The following ZNF37A variants were observed in gnomAD, a reference collection of about 807,000 sequenced individuals.
ZNF37A encodes the protein zinc finger protein 37a (KOX 21).
Under a neutral mutation model 12.3 loss-of-function variants are expected in ZNF37A, and 10 were observed. The observed-to-expected ratio is 0.82, with a 90% CI of 0.50 to 1.38. The LOEUF (loss-of-function observed/expected upper bound fraction) is 1.38, where lower values mean the gene tolerates loss of function less well. ZNF37A is among the 40% of genes most tolerant of loss of function. ZNF37A has a pLI of 0.00. For synonymous variants in ZNF37A, 207 were observed against 223.0 expected (o/e 0.93, Z 0.64); for missense variants, 580 against 651.2 (o/e 0.89, Z 1.19).
chr10:38,096,101 C>T (rs1207882142), intron 4 of ZNF37A, among the ~76,000 whole-genome samples: 1 of 151,872 alleles, frequency 6.6e-6, no homozygotes, highest in Non-Finnish European at 1.5e-5. Context: ...CAGGAGGTTG[C>T]GGTGAGTCGA....
chr10:38,126,568 C>T (rs1477602175), downstream of ZNF37A, among the ~76,000 whole-genome samples: 1 of 152,184 alleles, frequency 6.6e-6, no homozygotes, highest in East Asian at 1.9e-4. Context: ...CTACTTGATC[C>T]TCTGAGCTAA....
chr10:38,117,351 T>C, intron 7 of ZNF37A, 39 bp from the exon 8 acceptor site: 1 of 1,530,768 alleles, frequency 6.5e-7, no homozygotes, highest in East Asian at 2.3e-5. Flanking sequence ...CTCTTACATA[T>C]CCTCGTCAAC....
chr10:38,118,849 T>C lies in ZNF37A; in HGVS notation c.*12T>C, dbSNP rs752555892. 3.2e-6 allele frequency: 5 copies of C among 1,549,416 alleles called. No homozygotes were observed. The African/African-American group carries it at 6.9e-5, about 21-fold the overall frequency. ...ATTACTCTGGGTGAAGTCAGAACTT[T>C]GTAGAACACAGAACATAAAGGGTGA... On this transcript the variant is annotated 3_prime_UTR_variant, in exon 8 of 8. Transcript: ENST00000685332.
Position 38,105,658 on chromosome 10 carries a change from G to A in ZNF37A, c.15+9026G>A, listed in dbSNP as rs2504121. ...CTAATCACCTCCTAAAGGCCATGCCGCTTCATACTATTGCAATGGTATTAG... is the reference window on the plus strand; with the variant it reads ...CTAATCACCTCCTAAAGGCCATGCCACTTCATACTATTGCAATGGTATTAG... On this transcript the variant is annotated intron_variant, in intron 5 of 7. Transcript: ENST00000685332. Among the ~76,000 whole-genome samples, 13 of 152,030 alleles carry A rather than the reference G, an allele frequency of 8.6e-5. No individual in the cohort carries two copies. The South Asian group carries it at 1.2e-3, about 15-fold the overall frequency.
downstream of ZNF37A, among the ~76,000 whole-genome samples, chr10:38,129,997 T>A (rs1316248276): frequency 6.6e-6 from 1 of 152,198 alleles, no homozygotes; most frequent in Non-Finnish European, 1.5e-5. Context: ...TTTTTTCACT[T>A]TCCCAACAAA....
intron 5 of ZNF37A, among the ~76,000 whole-genome samples, chr10:38,108,938 A>G (rs1310150897): frequency 6.6e-6 from 1 of 152,214 alleles, no homozygotes; most frequent in Non-Finnish European, 1.5e-5. Flanking sequence ...CTCTTAAAGT[A>G]TTCCAAGCAA....
chr10:38,121,757 A>G lies in ZNF37A; in HGVS notation c.*2920A>G, dbSNP rs931120021. ...TAAATTGTTGTGTGTGCACATATGC[A>G]TATATTTTGTGTTCATTCTACTGAG... On this transcript the variant is annotated 3_prime_UTR_variant, in exon 8 of 8. Transcript: ENST00000685332. 7 of 152,214 alleles carry G rather than the reference A, an allele frequency of 4.6e-5. No individual in the cohort carries two copies. The highest frequency in any genetic ancestry group is 1.0e-4 in the Non-Finnish European group (7 of 68,044). 9.4% of individuals were successfully genotyped at this position (152,214 alleles called of 1,614,324 possible).
intron 7 of ZNF37A, among the ~76,000 whole-genome samples, chr10:38,146,322 G>A (rs1223962315): frequency 6.6e-6 from 1 of 152,064 alleles, no homozygotes; most frequent in African/African-American, 2.4e-5. Context: ...TGTTGCCCAG[G>A]CTGGAGTACA....
intron 5 of ZNF37A, among the ~76,000 whole-genome samples, chr10:38,109,338 C>T (rs185059038): frequency 6.6e-6 from 1 of 152,180 alleles, no homozygotes; most frequent in African/African-American, 2.4e-5. Flanking sequence ...GAACATATCT[C>T]AAAATAATAA....
intron 7 of ZNF37A, among the ~76,000 whole-genome samples, chr10:38,134,894 C>T (rs906602626): frequency 6.6e-6 from 1 of 152,146 alleles, no homozygotes; most frequent in Non-Finnish European, 1.5e-5. Context: ...TTTTGATATG[C>T]GTTATAAGTT....
downstream of ZNF37A, among the ~76,000 whole-genome samples, chr10:38,129,315 A>AG: frequency 6.8e-6 from 1 of 147,942 alleles, no homozygotes; most frequent in Non-Finnish European, 1.5e-5. Context: ...AAAAAAAAAA[A>AG]AAAAAAACTA....
In ZNF37A at chr10:38,119,902, A is replaced by C. The variant is rs957271069; in HGVS notation, c.*1065A>C. The C allele has an allele frequency of 8.5e-5, 13 of 152,216 alleles. No homozygotes were observed. The highest frequency in any genetic ancestry group is 2.9e-4 in the African/African-American group (12 of 41,452). 9.4% of individuals were successfully genotyped at this position (152,216 alleles called of 1,614,324 possible). Reference sequence around the variant, plus strand: ...GACCCATCTCAGAATGGTGGATCAAAGCAGCAAGTCAATTTGCCTTGTATG... The same window carrying C: ...GACCCATCTCAGAATGGTGGATCAACGCAGCAAGTCAATTTGCCTTGTATG... On this transcript the variant is annotated 3_prime_UTR_variant, in exon 8 of 8. Transcript: ENST00000685332.
At chr10:38,115,099 G>A (rs2069147261) in intron 6 of ZNF37A, 96 bp from the exon 7 acceptor site, 3 of 1,034,670 alleles carry the variant, frequency 2.9e-6, no homozygotes, top group African/African-American at 1.6e-5. Context: ...GTGTGTGTGT[G>A]TGTGTGTGTG....
chr10:38,118,344 T>C lies in ZNF37A; in HGVS notation c.1193T>C (p.Leu398Pro). Residue 398 changes from leucine (L) to proline (P), a missense_variant, in exon 8 of 8, where the codon CTC becomes CCC. By Grantham distance (98) the Leu-to-Pro change is moderately conservative. Transcript: ENST00000685332. ...AAAGCCTTTCTCAGAAAATCAGACC[T>C]CATTAAACATCAAAGAATACACACA... ...CGKAFLRKSD[L>P]IKHQRIHTGE... 3.1e-6 allele frequency: 5 copies of C among 1,613,786 alleles called. No homozygotes were observed. Among genetic ancestry groups the C allele is most frequent in the Non-Finnish European group, 4.2e-6 (5 of 1,179,976 alleles).
rs2069703560 is a variant in ZNF37A at position 38,121,652 on chromosome 10, A to G, written c.*2815A>G. Reference sequence around the variant, plus strand: ...CATTAGAGAAGGTATTTATAAAAATAGGAATGAGGAGAGCTAGAAAACCTG... The same window carrying G: ...CATTAGAGAAGGTATTTATAAAAATGGGAATGAGGAGAGCTAGAAAACCTG... On this transcript the variant is annotated 3_prime_UTR_variant, in exon 8 of 8. Transcript: ENST00000685332. 1 of 152,270 alleles carries G rather than the reference A, an allele frequency of 6.6e-6. No individual in the cohort carries two copies. The highest frequency in any genetic ancestry group is 2.1e-4 in the South Asian group (1 of 4,836). 9.4% of individuals were successfully genotyped at this position (152,270 alleles called of 1,614,324 possible).
chr10:38,115,379 G>T, intron 7 of ZNF37A, 89 bp downstream of exon 7: 1 of 1,502,036 alleles, frequency 6.7e-7, no homozygotes, highest in Non-Finnish European at 8.9e-7. Context: ...TGTTCTTTAG[G>T]AATCATGTTT....
chr10:38,094,646 G>C (rs1005446430), intron 1 of ZNF37A, among the ~76,000 whole-genome samples, 156 bp downstream of exon 1: 2 of 152,252 alleles, frequency 1.3e-5, no homozygotes, highest in African/African-American at 2.4e-5. Flanking sequence ...CCTGTGACAA[G>C]TGAGGTTGGA....
chr10:38,114,066 C>G (rs2069041586), intron 5 of ZNF37A, among the ~76,000 whole-genome samples: 1 of 152,040 alleles, frequency 6.6e-6, no homozygotes, highest in African/African-American at 2.4e-5. Context: ...ATAAATAAAA[C>G]TAGTAGTTGC....
chr10:38,149,324 A>G (rs1408842854), exon 8 of ZNF37A: 1 of 152,170 alleles, frequency 6.6e-6, no homozygotes, highest in East Asian at 1.9e-4. Context: ...CAAAATAGCC[A>G]TCACATTTCA....
Sources: gnomAD v4.1 joint callset for allele counts (sites outside exome capture counted in the v4.1 genomes callset) on GRCh38, gnomAD v4.1.1 for gene constraint, MANE v1.5 for transcripts, NCBI Gene and HGNC (gene_info 2026-07-23, HGNC 2026-07-21) for gene names.